Variants in LRP1B observed in about 807,000 individuals in gnomAD.
The protein encoded by LRP1B is LDL receptor related protein 1B.
In LRP1B, 217 loss-of-function variants were observed where a neutral mutation model predicts 556.6. The observed-to-expected ratio is 0.39, with a 90% CI of 0.35 to 0.44. LRP1B has a LOEUF of 0.44. Among genes scored for constraint, LRP1B ranks in the 20% least tolerant of loss-of-function variants. The pLI, the probability that LRP1B is intolerant of heterozygous loss-of-function variation, is 1.00. For synonymous variants in LRP1B, 2,047 were observed against 1,865.8 expected, an observed-to-expected ratio of 1.10 and a Z score of -2.50; for missense variants, 5,053 against 5,620.8, an observed-to-expected ratio of 0.90 and a Z score of 3.23.
At chr2:142,010,817 T>C (rs1702939922) in intron 1 of LRP1B, among the ~76,000 whole-genome samples, 2 of 152,070 alleles carry the variant, frequency 1.3e-5, no homozygotes, top group South Asian at 2.1e-4. Context: ...CCCCAACTTC[T>C]TATGCAGGGA....
Position 140,231,786 on chromosome 2 carries a change from G to A in LRP1B, c.*1400C>T, listed in dbSNP as rs1198530250. The stretch of plus-strand genomic sequence containing the variant: ...ACCACATATTTAACATATTTCATCT[G>A]TTAGGTTAATACATTATGACAGCTA... On this transcript the variant is annotated 3_prime_UTR_variant, in exon 91 of 91. Coordinates refer to ENST00000389484, the MANE Select transcript of LRP1B (RefSeq NM_018557.3). 1 of 151,638 alleles carries A rather than the reference G, an allele frequency of 6.6e-6. No homozygotes were observed. Among genetic ancestry groups the A allele is most frequent in the Non-Finnish European group, 1.5e-5 (1 of 67,538 alleles). The allele number at this position is 151,638 out of a possible 1,614,324, so 9.4% of individuals were successfully genotyped here.
At chr2:140,996,238 C>T (rs1175491458) in intron 15 of LRP1B, among the ~76,000 whole-genome samples, 2 of 151,954 alleles carry the variant, frequency 1.3e-5, no homozygotes, top group Non-Finnish European at 2.9e-5. Flanking sequence ...ATAATTCTAT[C>T]CCTGCCCAAG....
At chr2:140,720,968 C>T (rs1391858379) in intron 35 of LRP1B, among the ~76,000 whole-genome samples, 4 of 152,086 alleles carry the variant, frequency 2.6e-5, no homozygotes, top group African/African-American at 9.7e-5. Flanking sequence ...CACTGTTCTG[C>T]ATTTACCATG....
At chr2:141,978,488 T>G (rs1360222026) in intron 1 of LRP1B, among the ~76,000 whole-genome samples, 1 of 152,046 alleles carries the variant, frequency 6.6e-6, no homozygotes, top group Non-Finnish European at 1.5e-5. Flanking sequence ...AAGCTTATAT[T>G]TCTTCAAATA....
chr2:141,287,946 C>T (rs1234769410), intron 3 of LRP1B, among the ~76,000 whole-genome samples: 1 of 151,962 alleles, frequency 6.6e-6, no homozygotes, highest in East Asian at 1.9e-4. Context: ...TTTAAAATTC[C>T]ATCTCACATA....
chr2:141,481,292 A>G (rs1682910384), intron 2 of LRP1B, among the ~76,000 whole-genome samples: 1 of 152,128 alleles, frequency 6.6e-6, no homozygotes, highest in Non-Finnish European at 1.5e-5. Flanking sequence ...ATTGCATGTT[A>G]TTTTATCTGA....
intron 2 of LRP1B, among the ~76,000 whole-genome samples, chr2:141,495,778 T>C (rs1318773982): frequency 6.6e-6 from 1 of 152,052 alleles, no homozygotes; most frequent in Non-Finnish European, 1.5e-5. Context: ...AATGCTCTCC[T>C]ATAAGCAACA....
intron 2 of LRP1B, among the ~76,000 whole-genome samples, chr2:141,582,303 A>C (rs1297496739): frequency 2.0e-5 from 3 of 152,224 alleles, no homozygotes; most frequent in African/African-American, 7.2e-5. Context: ...TCAAGAATTA[A>C]AGCAAACTGA....
At chr2:140,491,316 A>G (rs1688689337) in intron 57 of LRP1B, among the ~76,000 whole-genome samples, 1 of 152,062 alleles carries the variant, frequency 6.6e-6, no homozygotes, top group Non-Finnish European at 1.5e-5. Context: ...TTAAACTGAG[A>G]TAGTGGAGTC....
chr2:140,238,465 G>C (rs1359961840), intron 88 of LRP1B, among the ~76,000 whole-genome samples, 169 bp from the exon 89 acceptor site: 1 of 150,892 alleles, frequency 6.6e-6, no homozygotes, highest in African/African-American at 2.4e-5. Flanking sequence ...TGTTTTCCCA[G>C]TTGTTTTGAC....
intron 41 of LRP1B, among the ~76,000 whole-genome samples, chr2:140,675,778 A>G (rs546637618): frequency 1.9e-3 from 289 of 152,318 alleles, no homozygotes; most frequent in African/African-American, 6.8e-3. Flanking sequence ...CCCTGTGTCT[A>G]TAAAATAATA....
Position 141,180,830 on chromosome 2 carries a change from G to A in LRP1B, c.1013+7591C>T, listed in dbSNP as rs187288615. 3.3e-5 allele frequency among the ~76,000 whole-genome samples: 5 copies of A among 152,070 alleles called. No individual in the cohort carries two copies. The East Asian group carries it at 7.8e-4, about 24-fold the overall frequency. ...GAGGAGATTTCTTAGAAGAGGGAAC[G>A]AGATTTGGAACAAATAATATTTGTT... On this transcript the variant is annotated intron_variant, in intron 7 of 90. Coordinates refer to ENST00000389484, the MANE Select transcript of LRP1B (RefSeq NM_018557.3).
rs539471477 is a variant in LRP1B at position 141,391,868 on chromosome 2, G to A, written c.343+88528C>T. Among the ~76,000 whole-genome samples, 5 of 152,266 alleles carry A rather than the reference G, an allele frequency of 3.3e-5. No homozygotes were observed. The East Asian group carries it at 5.8e-4, about 18-fold the overall frequency. ...AATTGTCTGATTATTCTAGAGGCTG[G>A]TATCAGTATGCTCCTGTTAGCTCTT... is the stretch of plus-strand genomic sequence containing the variant. On this transcript the variant is annotated intron_variant, in intron 3 of 90. Coordinates refer to ENST00000389484, the MANE Select transcript of LRP1B (RefSeq NM_018557.3).
chr2:141,344,318 C>T (rs544390484), intron 3 of LRP1B, among the ~76,000 whole-genome samples: 1 of 152,160 alleles, frequency 6.6e-6, no homozygotes, highest in Non-Finnish European at 1.5e-5. Context: ...TAACAAGGTC[C>T]TGTTATCATT....
chr2:140,592,734 A>T (rs2105171001), intron 43 of LRP1B, among the ~76,000 whole-genome samples: 1 of 152,308 alleles, frequency 6.6e-6, no homozygotes, highest in South Asian at 2.1e-4. Flanking sequence ...GGAATAAAAC[A>T]ACTGATTTTA....
intron 7 of LRP1B, among the ~76,000 whole-genome samples, chr2:141,163,176 T>A (rs1680109577): frequency 6.6e-6 from 1 of 152,106 alleles, no homozygotes; most frequent in African/African-American, 2.4e-5. Context: ...ACCACACAAA[T>A]AGACTACCTA....
chr2:142,111,540 T>A (rs1706988848), intron 1 of LRP1B, among the ~76,000 whole-genome samples: 1 of 152,170 alleles, frequency 6.6e-6, no homozygotes, highest in African/African-American at 2.4e-5. Context: ...CCATGAATAA[T>A]GTTTTAACTT....
chr2:140,547,711 C>T (rs528726051), intron 43 of LRP1B, among the ~76,000 whole-genome samples: 1 of 152,088 alleles, frequency 6.6e-6, no homozygotes, highest in South Asian at 2.1e-4. Flanking sequence ...CTGTGGCATA[C>T]TTAGAATGAA....
In LRP1B at chr2:141,848,890, G is replaced by C. The variant is rs543787615; in HGVS notation, c.83-38489C>G. Among the ~76,000 whole-genome samples, 6 of 151,614 alleles carry C rather than the reference G, an allele frequency of 4.0e-5. No individual in the cohort carries two copies. In the South Asian group the frequency reaches 1.2e-3, roughly 31 times the overall value. Reference sequence around the variant, plus strand: ...GAGTCTTTTGAGGATTATTTTTATTGATGCCATTCAGATGTCCAGGGGAGT... The same window carrying C: ...GAGTCTTTTGAGGATTATTTTTATTCATGCCATTCAGATGTCCAGGGGAGT... On this transcript the variant is annotated intron_variant, in intron 1 of 90. Coordinates refer to ENST00000389484, the MANE Select transcript of LRP1B (RefSeq NM_018557.3).
Sources: allele counts gnomAD v4.1 joint callset (sites outside exome capture counted in the v4.1 genomes callset), GRCh38; gene constraint gnomAD v4.1.1; transcripts MANE v1.5; gene names NCBI Gene and HGNC (gene_info 2026-07-23, HGNC 2026-07-21).